NFXL1: variants seen among roughly 807,000 people sequenced by gnomAD.
The protein encoded by NFXL1 is NF-X1-type zinc finger protein NFXL1.
In NFXL1, 66 loss-of-function variants were observed where a neutral mutation model predicts 123.3. The ratio of observed to expected loss-of-function variants is 0.54; its 90% CI spans 0.44 to 0.66. The LOEUF is 0.66. NFXL1 is among the 30% of genes least tolerant of loss of function. NFXL1 has a pLI of 0.00. For missense variants in NFXL1, 944 were observed against 1,125.6 expected, an observed-to-expected ratio of 0.84 and a Z score of 2.31; for synonymous variants, 346 against 360.8, an observed-to-expected ratio of 0.96 and a Z score of 0.46.
chr4:47,872,232 G>A (rs1735482094), intron 18 of NFXL1, among the ~76,000 whole-genome samples: 2 of 152,198 alleles, frequency 1.3e-5, no homozygotes, highest in Admixed American at 6.5e-5. Flanking sequence ...GGGAGGCCAA[G>A]GTGGGTGGAT....
In NFXL1 at chr4:47,903,281, A is replaced by C; in HGVS notation, c.559T>G (p.Cys187Gly). 1 of 1,594,914 alleles carries C rather than the reference A, an allele frequency of 6.3e-7. No homozygotes were observed. Among genetic ancestry groups the C allele is most frequent in the Non-Finnish European group, 8.5e-7 (1 of 1,169,894 alleles). The part of the protein sequence containing the change: ...SGCFCIFHMP[C>G]IQKWAKDSQF... ...CTGTCTTTAGCCCACTTCTGGATAC[A>C]GGGCATGTGAAATATACAGAAACAT... The change falls in exon 5 of 23, where the codon TGT (cysteine) becomes GGT (glycine). Residue 187 changes from cysteine (C) to glycine (G), a missense_variant. Around this residue, in one of 4 missense-constraint regions of NFXL1, gnomAD observed 303 missense variants for 292.1 expected, o/e 1.04. Coordinates refer to ENST00000507489, the MANE Select transcript of NFXL1 (RefSeq NM_001278624.2).
At chr4:47,854,624 T>C (rs1734297105) in intron 20 of NFXL1, among the ~76,000 whole-genome samples, 1 of 152,084 alleles carries the variant, frequency 6.6e-6, no homozygotes. Context: ...TAAGGCAATA[T>C]TTTCAAAGGA....
At position 47,848,241 on chromosome 4, in the gene NFXL1, T is replaced by G; in HGVS notation, c.2658A>C (p.Lys886Asn). ...ACACTGAAATGAGATAATATTTATG[T>G]TTTTGCCATAGTGATAGCTCAACTG... ...EVAVELSLWQ[K>N]HKYYLISVCG... is the part of the protein sequence containing the mutation. Residue 886 changes from lysine to asparagine, a missense_variant, in exon 23 of 23, where the codon AAA (lysine) becomes AAC (asparagine). By Grantham distance (94) the Lys-to-Asn change is moderately conservative (BLOSUM62 0). This residue lies in a region of NFXL1 where 301 missense variants were observed against 348.0 expected (regional missense o/e 0.86). Transcript: ENST00000507489. The G allele has an allele frequency of 6.2e-7, 1 of 1,612,962 alleles. No homozygotes were observed. Among genetic ancestry groups the G allele is most frequent in the East Asian group, 2.2e-5 (1 of 44,824 alleles).
chr4:47,861,830 C>T (rs1385487427), intron 19 of NFXL1, among the ~76,000 whole-genome samples: 18 of 151,998 alleles, frequency 1.2e-4, no homozygotes, highest in Admixed American at 1.2e-3. Context: ...TGGTCCAAAG[C>T]CTTAGTTAAA....
At chr4:47,867,664 T>G (rs188908216) in intron 18 of NFXL1, among the ~76,000 whole-genome samples, 1 of 148,024 alleles carries the variant, frequency 6.8e-6, no homozygotes, top group African/African-American at 2.5e-5. Context: ...AGGAGGGAAG[T>G]GAAGGAGAAA....
intron 15 of NFXL1, among the ~76,000 whole-genome samples, chr4:47,879,580 A>C (rs765402445): frequency 6.6e-6 from 1 of 152,202 alleles, no homozygotes; most frequent in Non-Finnish European, 1.5e-5. Context: ...ACTGATTCTA[A>C]AGTCTATATA....
At chr4:47,862,074 A>G (rs982422145) in intron 19 of NFXL1, among the ~76,000 whole-genome samples, 9 of 152,168 alleles carry the variant, frequency 5.9e-5, no homozygotes, top group Admixed American at 2.6e-4. Context: ...TAACTGTCCC[A>G]CTCCCAAATC....
intron 15 of NFXL1, among the ~76,000 whole-genome samples, chr4:47,883,623 A>G (rs563351221): frequency 6.6e-6 from 1 of 152,324 alleles, no homozygotes; most frequent in Admixed American, 6.5e-5. Context: ...AATACACAAA[A>G]ATATACATGC....
In NFXL1 at chr4:47,914,551, C is replaced by A; in HGVS notation, c.-189G>T. 8.3e-6 allele frequency: 2 copies of A among 241,068 alleles called. No homozygotes were observed. The highest frequency in any genetic ancestry group is 8.0e-6 in the Non-Finnish European group (1 of 125,098). 14.9% of individuals were successfully genotyped at this position (241,068 alleles called of 1,614,324 possible). A position where few individuals can be genotyped will look rare whatever the true frequency, so the allele number is the denominator to read the frequency against. ...GTAGGGGAAGAGTCACAGACTGACCCTGCGTCTCCCGCCGGGAACCAACTG... is the reference window on the plus strand; with the variant it reads ...GTAGGGGAAGAGTCACAGACTGACCATGCGTCTCCCGCCGGGAACCAACTG... On this transcript the variant is annotated 5_prime_UTR_variant, in exon 1 of 23. It adds an upstream start codon to the 5' untranslated region. Transcript: ENST00000507489.
chr4:47,849,579 A>G (rs1178647769), intron 22 of NFXL1, among the ~76,000 whole-genome samples: 1 of 152,230 alleles, frequency 6.6e-6, no homozygotes, highest in East Asian at 1.9e-4. Context: ...ATGAGCCAAA[A>G]TGTCAGACTA....
rs777931986 is a variant in NFXL1 at position 47,851,865 on chromosome 4, T to C, written c.2499A>G (p.Lys833=). The C allele has an allele frequency of 7.5e-6, 12 of 1,602,488 alleles. No individual in the cohort carries two copies. The East Asian group carries it at 1.8e-4, about 24-fold the overall frequency. ...CDTTCKEMKR[K]ASEIKEAEAK... is the part of the protein sequence containing the mutation. ...TTTAACGAGACATTACCTCAGATGC[T>C]TTCCGCTTCATTTCCTTGCACGTTG... The change falls in exon 21 of 23, where the codon AAA becomes AAG. Residue 833 remains lysine (K), a synonymous_variant. Coordinates refer to ENST00000507489, the MANE Select transcript of NFXL1 (RefSeq NM_001278624.2).
At chr4:47,879,211 T>C in intron 15 of NFXL1, 94 bp from the exon 16 acceptor site, 1 of 510,842 alleles carries the variant, frequency 2.0e-6, no homozygotes, top group Non-Finnish European at 3.4e-6. Context: ...AAAAAATAAA[T>C]ACATATGGAA....
At chr4:47,860,682 T>C (rs1276475082) in intron 19 of NFXL1, among the ~76,000 whole-genome samples, 2 of 152,184 alleles carry the variant, frequency 1.3e-5, no homozygotes, top group Non-Finnish European at 2.9e-5. Flanking sequence ...ATCCCATACC[T>C]TAACTTTGAA....
At chr4:47,878,780 GT>G (rs1735906851) in intron 16 of NFXL1, 115 bp from the exon 17 acceptor site, 1 of 703,450 alleles carries the variant, frequency 1.4e-6, no homozygotes, top group Non-Finnish European at 2.2e-6. Context: ...AAAGGTATAA[GT>G]TTGCACGAAT....
chr4:47,850,557 A>G (rs1734062837), intron 22 of NFXL1, among the ~76,000 whole-genome samples: 1 of 152,130 alleles, frequency 6.6e-6, no homozygotes, highest in Non-Finnish European at 1.5e-5. Flanking sequence ...TTAAACAGGG[A>G]GTATCAGGAA....
At chr4:47,862,555 G>A (rs1226008495) in intron 19 of NFXL1, among the ~76,000 whole-genome samples, 1 of 151,986 alleles carries the variant, frequency 6.6e-6, no homozygotes, top group African/African-American at 2.4e-5. Flanking sequence ...CCTACTTTAA[G>A]TATGAATCAC....
At chr4:47,893,295 A>C (rs1438114174) in intron 11 of NFXL1, among the ~76,000 whole-genome samples, 1 of 152,114 alleles carries the variant, frequency 6.6e-6, no homozygotes, top group African/African-American at 2.4e-5. Flanking sequence ...GAAATAAAAA[A>C]CAAAAATTTC....
At chr4:47,857,430 C>T (rs1020969612) in intron 19 of NFXL1, among the ~76,000 whole-genome samples, 8 of 152,044 alleles carry the variant, frequency 5.3e-5, no homozygotes, top group African/African-American at 1.9e-4. Flanking sequence ...GCTATAGTGT[C>T]GCCTTTCACT....
intron 15 of NFXL1, among the ~76,000 whole-genome samples, chr4:47,879,499 T>C (rs1735951780): frequency 6.6e-6 from 1 of 152,204 alleles, no homozygotes; most frequent in African/African-American, 2.4e-5. Flanking sequence ...ATGTAGTTTA[T>C]TTCCAATTTG....
Sources: allele counts gnomAD v4.1 joint callset (sites outside exome capture counted in the v4.1 genomes callset), GRCh38; gene constraint gnomAD v4.1.1; regional missense constraint gnomAD v4.1.1; transcripts MANE v1.5; gene names NCBI Gene and HGNC (gene_info 2026-07-23, HGNC 2026-07-21).